ACTN4: variants seen among roughly 807,000 people sequenced by gnomAD.
ACTN4 encodes alpha-actinin-4.
In ACTN4, 18 loss-of-function variants were observed where a neutral mutation model predicts 114.2. The observed-to-expected ratio is 0.16, with a 90% CI of 0.11 to 0.23. ACTN4 has a LOEUF of 0.23. Ranked by LOEUF, ACTN4 falls within the 10% of genes least tolerant of loss-of-function variation. ACTN4 has a pLI of 1.00. For missense variants in ACTN4, 722 were observed against 1,262.9 expected (o/e 0.57, Z 6.49); for synonymous variants, 515 against 506.3 (o/e 1.02, Z -0.23).
intron 1 of ACTN4, among the ~76,000 whole-genome samples, chr19:38,688,402 A>AAAC (rs1449910991): frequency 3.3e-5 from 5 of 150,856 alleles, no homozygotes; most frequent in Admixed American, 3.3e-4. Context: ...AAAAAAAAAA[A>AAAC]AAAAAAAAAC....
rs563142010 is a variant in ACTN4, at chr19:38,722,916, G to A, written c.1443-698G>A. ...GAAGGAACGGAAGGGAGGGCTGTCC[G>A]GGTCCTGTCTTTTCTGCTGAGGGGG... On this transcript the variant is annotated intron_variant, in intron 12 of 20. Coordinates refer to ENST00000252699, the MANE Select transcript of ACTN4 (RefSeq NM_004924.6). Among the ~76,000 whole-genome samples the A allele has an allele frequency of 5.4e-4, 82 of 152,328 alleles. 1 individual carries two copies. The South Asian group carries it at 0.016, about 30-fold the overall frequency.
At chr19:38,655,012 C>A (rs1976673007) in intron 1 of ACTN4, among the ~76,000 whole-genome samples, 1 of 152,170 alleles carries the variant, frequency 6.6e-6, no homozygotes, top group African/African-American at 2.4e-5. Flanking sequence ...TCTCCCCCTC[C>A]CCCAGGAGTG....
intron 1 of ACTN4, among the ~76,000 whole-genome samples, chr19:38,673,618 TATATATATTC>T (rs1424378750): frequency 2.6e-5 from 2 of 75,618 alleles, no homozygotes; most frequent in African/African-American, 4.6e-5. Context: ...CATTTATATT[TATATATATTC>T]ATATATATTT....
In ACTN4 at chr19:38,727,968, C is replaced by T; in HGVS notation, c.2360C>T (p.Pro787Leu). The change falls in exon 19 of 21, where the codon CCC becomes CTC. Residue 787 changes from proline (P) to leucine (L), a missense_variant. Pro to Leu is a moderately conservative substitution (Grantham distance 98, BLOSUM62 -3). This residue lies in a region of ACTN4 where 523 missense variants were observed against 875.9 expected (regional missense o/e 0.60). Transcript: ENST00000252699. The surrounding 1 kb of genome is among the most constrained non-coding windows in gnomAD (Gnocchi z 5.4). ...CAGGATCATGGCGGGGCGCTGGGGC[C>T]CGAGGAGTTCAAGGCCTGCCTCATC... is the stretch of plus-strand genomic sequence containing the variant. The part of the protein sequence containing the change: ...FDKDHGGALG[P>L]EEFKACLISL... The T allele has an allele frequency of 1.2e-6, 2 of 1,612,588 alleles. No homozygotes were observed. Among genetic ancestry groups the T allele is most frequent in the South Asian group, 2.2e-5 (2 of 91,038 alleles).
At chr19:38,689,767 G>A (rs983347377) in intron 1 of ACTN4, among the ~76,000 whole-genome samples, 6 of 152,010 alleles carry the variant, frequency 3.9e-5, no homozygotes, top group African/African-American at 1.2e-4. Context: ...TTTGCCTCCC[G>A]GGTTCAAGCG....
chr19:38,651,375 A>G (rs570777110), intron 1 of ACTN4, among the ~76,000 whole-genome samples: 1 of 152,280 alleles, frequency 6.6e-6, no homozygotes, highest in African/African-American at 2.4e-5. Flanking sequence ...TCCTGGCGGG[A>G]TGGAGAAGCA....
chr19:38,728,283 GCCT>G (rs1969317214), intron 19 of ACTN4: 3 of 1,533,394 alleles, frequency 2.0e-6, no homozygotes, highest in Admixed American at 2.0e-5. Context: ...TCTGGGCCCG[GCCT>G]CCTCTGCTAT....
chr19:38,731,228 G>A lies in ACTN4; in HGVS notation c.*1796G>A. ...GCTGGTTGTTCAGGTGGAAGCCTAG[G>A]GGGAGGCTGCTTCTGAGCCCAGTGG... On this transcript the variant is annotated 3_prime_UTR_variant, in exon 21 of 21. Coordinates refer to ENST00000252699, the MANE Select transcript of ACTN4 (RefSeq NM_004924.6). 6.2e-7 allele frequency: 1 copy of A among 1,611,500 alleles called. No homozygotes were observed. The highest frequency in any genetic ancestry group is 8.5e-7 in the Non-Finnish European group (1 of 1,179,286).
In ACTN4 at chr19:38,717,446, G is replaced by A. The variant is rs906642821; in HGVS notation, c.1143+130G>A. On this transcript the variant is annotated intron_variant, in intron 10 of 20. Transcript: ENST00000252699. The surrounding 1 kb of genome is among the most constrained non-coding windows in gnomAD (Gnocchi z 4.0). The stretch of plus-strand genomic sequence containing the variant: ...CCTGTGGGACATGGCATGGCCTTTC[G>A]GATGCAGTGGTCGGGGAGGGGTGCA... 3.9e-6 allele frequency: 5 copies of A among 1,267,870 alleles called. No homozygotes were observed. The highest frequency in any genetic ancestry group is 1.5e-5 in the African/African-American group (1 of 67,410). The allele number at this position is 1,267,870 out of a possible 1,614,324, so 78.5% of individuals were successfully genotyped here.
intron 1 of ACTN4, among the ~76,000 whole-genome samples, chr19:38,668,951 C>T (rs1249287296): frequency 6.6e-6 from 1 of 152,034 alleles, no homozygotes; most frequent in Non-Finnish European, 1.5e-5. Flanking sequence ...TGTATGGTTT[C>T]GTAGGCTCCC....
intron 1 of ACTN4, among the ~76,000 whole-genome samples, chr19:38,686,734 TC>T (rs1381064418): frequency 1.3e-5 from 2 of 152,186 alleles, no homozygotes; most frequent in African/African-American, 2.4e-5. Context: ...TGCAGGCTCT[TC>T]CCCTTGGGGA....
At chr19:38,691,412 AAACAAAAAAAAC>A (rs1395478503) in intron 1 of ACTN4, among the ~76,000 whole-genome samples, 1 of 148,664 alleles carries the variant, frequency 6.7e-6, no homozygotes, top group Admixed American at 6.7e-5. Flanking sequence ...AAAAAAAAAA[AAACAAAAAAAAC>A]AAAAAAAAAA....
At chr19:38,695,332 C>T (rs1366039735) in intron 1 of ACTN4, among the ~76,000 whole-genome samples, 1 of 152,226 alleles carries the variant, frequency 6.6e-6, no homozygotes, top group Non-Finnish European at 1.5e-5. Flanking sequence ...GCTGCTGCCC[C>T]TGGAAGATGA....
At position 38,724,694 on chromosome 19, in the gene ACTN4, CAG is replaced by C. The variant is rs1183902600; in HGVS notation, c.2010+130_2010+131del. On this transcript the variant is annotated intron_variant, in intron 16 of 20. Transcript: ENST00000252699. This position sits in a 1 kb window ranked among gnomAD's most constrained non-coding sequence, Gnocchi z 7.0. ...AGAGCAGGTCCCAATTCTCACCACC[CAG>C]GGGCCGTGATCACCCTGCGGGGTTA... 4 of 1,451,582 alleles carry C rather than the reference CAG, an allele frequency of 2.8e-6. No homozygotes were observed. Among genetic ancestry groups the C allele is most frequent in the East Asian group, 4.7e-5 (2 of 42,714 alleles). The allele number at this position is 1,451,582 out of a possible 1,614,324, so 89.9% of individuals were successfully genotyped here. A position where few individuals can be genotyped will look rare whatever the true frequency, so the allele number is the denominator to read the frequency against.
At chr19:38,658,270 C>T (rs1976770475) in intron 1 of ACTN4, among the ~76,000 whole-genome samples, 1 of 152,130 alleles carries the variant, frequency 6.6e-6, no homozygotes, top group Non-Finnish European at 1.5e-5. Flanking sequence ...TAGAAGAGTG[C>T]TTTTTTTCTC....
chr19:38,688,313 C>T (rs1200517972), intron 1 of ACTN4, among the ~76,000 whole-genome samples: 4 of 145,938 alleles, frequency 2.7e-5, no homozygotes, highest in Admixed American at 2.2e-4. Context: ...CTTTGGGAGG[C>T]CGAGGCGAGT....
chr19:38,670,665 C>T (rs964905025), intron 1 of ACTN4, among the ~76,000 whole-genome samples: 3 of 152,152 alleles, frequency 2.0e-5, no homozygotes, highest in Admixed American at 1.3e-4. Flanking sequence ...TGGCTCACGC[C>T]TGTAATCCCA....
In ACTN4 at chr19:38,714,494, G is replaced by A; in HGVS notation, c.845G>A (p.Cys282Tyr). The A allele has an allele frequency of 6.2e-7, 1 of 1,613,840 alleles. No individual in the cohort carries two copies. The highest frequency in any genetic ancestry group is 8.5e-7 in the Non-Finnish European group (1 of 1,180,014). The stretch of plus-strand genomic sequence containing the variant: ...GCTGAAACTGCCGCCAACCGGATCT[G>A]TAAGGTGCTGGCTGTCAACCAAGAG... The part of the protein sequence containing the change: ...QKAETAANRI[C>Y]KVLAVNQENE... The change falls in exon 9 of 21, where the codon TGT (cysteine) becomes TAT (tyrosine). Residue 282 changes from cysteine (C) to tyrosine (Y), a missense_variant. This residue lies in a region of ACTN4 where 127 missense variants were observed against 311.3 expected (regional missense o/e 0.41). Transcript: ENST00000252699.
In ACTN4 at chr19:38,727,129, C is replaced by T. The variant is rs374240053; in HGVS notation, c.2337+26C>T. On this transcript the variant is annotated intron_variant, in intron 18 of 20. Coordinates refer to ENST00000252699, the MANE Select transcript of ACTN4 (RefSeq NM_004924.6). This position sits in a 1 kb window ranked among gnomAD's most constrained non-coding sequence, Gnocchi z 5.4. The stretch of plus-strand genomic sequence containing the variant: ...GTGAGCAGCCTGCCACCTCCTCGGC[C>T]TCTCCCCTCCCGCCGTTGCCGTACC... 20 of 1,612,996 alleles carry T rather than the reference C, an allele frequency of 1.2e-5. No individual in the cohort carries two copies. The highest frequency in any genetic ancestry group is 2.7e-5 in the African/African-American group (2 of 74,920).
Sources: allele counts gnomAD v4.1 joint callset (sites outside exome capture counted in the v4.1 genomes callset), GRCh38; gene constraint gnomAD v4.1.1; regional missense constraint gnomAD v4.1.1; non-coding constraint Gnocchi (gnomAD v3.1); transcripts MANE v1.5; gene names NCBI Gene and HGNC (gene_info 2026-07-23, HGNC 2026-07-21).